The following ETV6 variants were observed in gnomAD, a reference collection of about 807,000 sequenced individuals.
ETV6 encodes the protein ETS variant transcription factor 6.
Under a neutral mutation model 51.1 loss-of-function variants are expected in ETV6, and 16 were observed. The observed-to-expected ratio is 0.31, with a 90% CI of 0.21 to 0.48. The LOEUF is 0.48. ETV6 is among the 20% of genes least tolerant of loss of function. ETV6 has a pLI of 0.99. For missense variants in ETV6, 458 were observed against 594.8 expected (o/e 0.77, Z 2.39); for synonymous variants, 240 against 224.1 (o/e 1.07, Z -0.64).
At chr12:11,838,752 C>T (rs1410107747) in intron 2 of ETV6, among the ~76,000 whole-genome samples, 2 of 152,238 alleles carry the variant, frequency 1.3e-5, no homozygotes, top group Non-Finnish European at 1.5e-5. Flanking sequence ...TTCTGAGCCC[C>T]TGTGGGTGCT....
chr12:11,798,054 T>C (rs1175118380), intron 2 of ETV6, among the ~76,000 whole-genome samples: 1 of 152,246 alleles, frequency 6.6e-6, no homozygotes, highest in Admixed American at 6.5e-5. Context: ...GGAAAACTTA[T>C]CAACTATCTA....
chr12:11,873,381 T>A (rs1296169955), intron 5 of ETV6, among the ~76,000 whole-genome samples: 1 of 152,214 alleles, frequency 6.6e-6, no homozygotes, highest in Non-Finnish European at 1.5e-5. Flanking sequence ...AAATTGATTC[T>A]GTTTATTGGA....
intron 2 of ETV6, among the ~76,000 whole-genome samples, chr12:11,760,965 T>C (rs1346413909): frequency 6.6e-6 from 1 of 151,916 alleles, no homozygotes; most frequent in African/African-American, 2.4e-5. Context: ...TATATGTATA[T>C]GCTTCATATA....
chr12:11,729,273 A>G (rs547318296), intron 1 of ETV6, among the ~76,000 whole-genome samples: 13 of 152,086 alleles, frequency 8.5e-5, no homozygotes, highest in Admixed American at 1.3e-4. Context: ...AACTTTGCCC[A>G]TGTTTTCAGG....
chr12:11,683,544 A>C (rs74062369), intron 1 of ETV6, among the ~76,000 whole-genome samples: 229 of 152,280 alleles, frequency 1.5e-3, no homozygotes, highest in African/African-American at 5.1e-3. Context: ...AACAATGATC[A>C]GTTTTTAGCC....
At chr12:11,665,790 C>T (rs1234815779) in intron 1 of ETV6, among the ~76,000 whole-genome samples, 5 of 152,146 alleles carry the variant, frequency 3.3e-5, no homozygotes, top group African/African-American at 1.2e-4. Context: ...ACTGCCACCT[C>T]CCATACCTAA....
At chr12:11,723,596 CATA>C (rs1351551333) in intron 1 of ETV6, among the ~76,000 whole-genome samples, 1 of 152,158 alleles carries the variant, frequency 6.6e-6, no homozygotes, top group Non-Finnish European at 1.5e-5. Context: ...GTACCCGGCA[CATA>C]GTAGGAGTTT....
intron 2 of ETV6, among the ~76,000 whole-genome samples, chr12:11,831,046 T>C (rs1394250655): frequency 6.6e-6 from 1 of 151,980 alleles, no homozygotes; most frequent in Non-Finnish European, 1.5e-5. Flanking sequence ...CAACTCAGAG[T>C]CATTTGGGCT....
intron 1 of ETV6, among the ~76,000 whole-genome samples, chr12:11,711,081 T>C (rs1591624947): frequency 1.3e-5 from 2 of 152,290 alleles, no homozygotes; most frequent in East Asian, 3.9e-4. Flanking sequence ...ATCACAGCAC[T>C]CTTTAGTTTG....
At chr12:11,845,595 T>C (rs1946449286) in intron 3 of ETV6, among the ~76,000 whole-genome samples, 1 of 152,238 alleles carries the variant, frequency 6.6e-6, no homozygotes, top group Non-Finnish European at 1.5e-5. Flanking sequence ...TATTTGTTGC[T>C]AAGTAAAAGA....
At chr12:11,654,045 C>T (rs1407751456) in intron 1 of ETV6, among the ~76,000 whole-genome samples, 1 of 152,074 alleles carries the variant, frequency 6.6e-6, no homozygotes, top group Non-Finnish European at 1.5e-5. Flanking sequence ...AACTCCTGAC[C>T]TCAAGTGATC....
At chr12:11,841,999 G>A (rs1016883192) in intron 3 of ETV6, among the ~76,000 whole-genome samples, 6 of 150,208 alleles carry the variant, frequency 4.0e-5, no homozygotes, top group Non-Finnish European at 5.9e-5. Context: ...GGAGAATGGC[G>A]TGAACCCGGG....
chr12:11,876,377 C>T (rs1396708771), intron 5 of ETV6, among the ~76,000 whole-genome samples: 4 of 152,206 alleles, frequency 2.6e-5, no homozygotes, highest in Non-Finnish European at 5.9e-5. Context: ...AATTTCGTAT[C>T]CTTGCTGGTG....
chr12:11,757,470 T>C (rs575109917), intron 2 of ETV6, among the ~76,000 whole-genome samples: 14 of 152,312 alleles, frequency 9.2e-5, no homozygotes, highest in East Asian at 1.9e-4. Context: ...TGATCATCAT[T>C]ATTATTTTAT....
In ETV6 at chr12:11,894,349, TCTC is replaced by T; in HGVS notation, c.*3307_*3309del. 4.3e-6 allele frequency: 1 copy of T among 232,984 alleles called. No homozygotes were observed. The highest frequency in any genetic ancestry group is 8.5e-6 in the Non-Finnish European group (1 of 117,932). The allele number at this position is 232,984 out of a possible 1,614,324, so 14.4% of individuals were successfully genotyped here. ...CCTACATCTCAAGCTAGCCAGGCAG[TCTC>T]CTCTCTATCAGAAGAAAGCACTGGT... On this transcript the variant is annotated 3_prime_UTR_variant, in exon 8 of 8. Transcript: ENST00000396373.
rs115943750 is a variant in ETV6 at position 11,840,531 on chromosome 12, G to A, written c.328+1227G>A. On this transcript the variant is annotated intron_variant, in intron 3 of 7. Coordinates refer to ENST00000396373, the MANE Select transcript of ETV6 (RefSeq NM_001987.5). Reference sequence around the variant, plus strand: ...AGGTCTTGGCATAGTCCCTAACTACGTTCAACCTTTATTTACTCCTGGAGA... The same window carrying A: ...AGGTCTTGGCATAGTCCCTAACTACATTCAACCTTTATTTACTCCTGGAGA... 3,069 of 455,852 alleles carry A rather than the reference G, an allele frequency of 6.7e-3. 75 individuals are homozygous for A. The highest frequency in any genetic ancestry group is 0.055 in the African/African-American group (2,775 of 50,132). 28.2% of individuals were successfully genotyped at this position (455,852 alleles called of 1,614,324 possible).
intron 7 of ETV6, among the ~76,000 whole-genome samples, chr12:11,888,059 T>G (rs1485341045): frequency 6.6e-6 from 1 of 152,180 alleles, no homozygotes; most frequent in Non-Finnish European, 1.5e-5. Flanking sequence ...AAGTAAAGGC[T>G]TCCCTGGCAG....
intron 4 of ETV6, among the ~76,000 whole-genome samples, chr12:11,858,957 G>A (rs1300024195): frequency 6.6e-6 from 1 of 151,964 alleles, no homozygotes; most frequent in African/African-American, 2.4e-5. Context: ...CATGTGTTCT[G>A]CGATGGCCCA....
At chr12:11,674,655 GTGTGTGTTT>G (rs1864382030) in intron 1 of ETV6, among the ~76,000 whole-genome samples, 2 of 142,470 alleles carry the variant, frequency 1.4e-5, no homozygotes, top group Non-Finnish European at 3.1e-5. Flanking sequence ...GTGTGTGTGT[GTGTGTGTTT>G]GGTGTTTTCC....
Sources: gnomAD v4.1 joint callset for allele counts (sites outside exome capture counted in the v4.1 genomes callset) on GRCh38, gnomAD v4.1.1 for gene constraint, MANE v1.5 for transcripts, NCBI Gene and HGNC (gene_info 2026-07-23, HGNC 2026-07-21) for gene names.